Variants in NALF1 observed in about 807,000 individuals in gnomAD.
NALF1 encodes the protein NALCN channel auxiliary factor 1.
In NALF1, 3 loss-of-function variants were observed where a neutral mutation model predicts 48.4. The observed-to-expected ratio is 0.06, with a 90% CI of 0.03 to 0.16. The LOEUF (loss-of-function observed/expected upper bound fraction) is 0.16. Ranked by LOEUF, NALF1 falls within the 10% of genes least tolerant of loss-of-function variation. The pLI is 1.00. For missense variants in NALF1, 526 were observed against 571.5 expected, an observed-to-expected ratio of 0.92 and a Z score of 0.81; for synonymous variants, 262 against 245.7, an observed-to-expected ratio of 1.07 and a Z score of -0.62.
intron 1 of NALF1, among the ~76,000 whole-genome samples, chr13:107,483,178 G>A (rs1885279723): frequency 6.6e-6 from 1 of 152,166 alleles, no homozygotes; most frequent in African/African-American, 2.4e-5. Flanking sequence ...CTATCCATAA[G>A]CTAAATGAAC....
At chr13:107,196,515 A>G (rs1440621992) in intron 2 of NALF1, among the ~76,000 whole-genome samples, 1 of 152,256 alleles carries the variant, frequency 6.6e-6, no homozygotes, top group East Asian at 1.9e-4. Flanking sequence ...CAGCCTTAAA[A>G]AAGGTAGAGA....
rs1423693896 is a variant in NALF1, at chr13:107,541,482, G to C, written c.915+324200C>G. On this transcript the variant is annotated intron_variant, in intron 1 of 2. Transcript: ENST00000375915. ...TCTCTTTTGAGTTTAAAAAGAGAAA[G>C]AGAAGGAGAGAGGAAGAAAGGGAGG... 2.0e-5 allele frequency among the ~76,000 whole-genome samples: 3 copies of C among 152,136 alleles called. No homozygotes were observed. The South Asian group carries it at 6.2e-4, about 32-fold the overall frequency.
chr13:107,178,715 G>A (rs1458593895), intron 2 of NALF1, among the ~76,000 whole-genome samples: 3 of 152,112 alleles, frequency 2.0e-5, no homozygotes, highest in Admixed American at 6.5e-5. Context: ...AGGCCAAGGC[G>A]GGCGGATCAC....
At chr13:107,692,071 G>A (rs909726332) in intron 1 of NALF1, among the ~76,000 whole-genome samples, 3 of 152,060 alleles carry the variant, frequency 2.0e-5, no homozygotes, top group Non-Finnish European at 4.4e-5. Flanking sequence ...ATGAGAATAC[G>A]ACTCACCACA....
At chr13:107,335,433 G>A (rs752462036) in intron 1 of NALF1, among the ~76,000 whole-genome samples, 3 of 152,118 alleles carry the variant, frequency 2.0e-5, no homozygotes, top group Admixed American at 1.3e-4. Flanking sequence ...GTCTTCACAG[G>A]TGCCAGAGAA....
At chr13:107,467,126 A>T (rs1885016867) in intron 1 of NALF1, among the ~76,000 whole-genome samples, 1 of 152,170 alleles carries the variant, frequency 6.6e-6, no homozygotes, top group Non-Finnish European at 1.5e-5. Flanking sequence ...AATTCAACAT[A>T]TTCTTGAAAT....
intron 1 of NALF1, among the ~76,000 whole-genome samples, chr13:107,819,649 C>T (rs1879296321): frequency 6.6e-6 from 1 of 151,234 alleles, no homozygotes; most frequent in Non-Finnish European, 1.5e-5. Context: ...CCACTACATT[C>T]CCATAAGATG....
intron 2 of NALF1, among the ~76,000 whole-genome samples, chr13:107,203,693 A>T (rs1421748692): frequency 1.3e-5 from 2 of 152,010 alleles, no homozygotes; most frequent in African/African-American, 4.8e-5. Flanking sequence ...CTGGCTCAGG[A>T]CCCACCACTG....
intron 1 of NALF1, among the ~76,000 whole-genome samples, chr13:107,720,491 A>T (rs1252984599): frequency 2.3e-5 from 3 of 133,038 alleles, no homozygotes; most frequent in Non-Finnish European, 4.7e-5. Flanking sequence ...AGCCTGGGCA[A>T]CAGAGTGAGA....
chr13:107,856,144 C>T (rs746969323), intron 1 of NALF1, among the ~76,000 whole-genome samples: 2 of 152,140 alleles, frequency 1.3e-5, no homozygotes, highest in Non-Finnish European at 2.9e-5. Flanking sequence ...TGAACTCAAG[C>T]GATCCTCCTG....
chr13:107,270,113 C>T (rs890233415), intron 1 of NALF1, among the ~76,000 whole-genome samples: 9 of 151,750 alleles, frequency 5.9e-5, no homozygotes, highest in African/African-American at 2.2e-4. Context: ...GTGAATGATG[C>T]AGGATTATTT....
At chr13:107,581,241 T>C (rs763223821) in intron 1 of NALF1, among the ~76,000 whole-genome samples, 3 of 152,190 alleles carry the variant, frequency 2.0e-5, no homozygotes, top group Non-Finnish European at 2.9e-5. Flanking sequence ...CTTGGTATTA[T>C]GCAAATGTGA....
At chr13:107,549,605 T>C (rs1463547501) in intron 1 of NALF1, among the ~76,000 whole-genome samples, 1 of 152,198 alleles carries the variant, frequency 6.6e-6, no homozygotes, top group Admixed American at 6.5e-5. Flanking sequence ...ACTTTATTAT[T>C]CAGTGTGTAT....
chr13:107,340,489 T>TTCTCTCTTTCTTTCTTTC (rs1566489753), intron 1 of NALF1, among the ~76,000 whole-genome samples: 1,529 of 57,100 alleles, frequency 0.027, 28 homozygotes, highest in African/African-American at 0.044. Context: ...TTCTTTCTTT[T>TTCTCTCTTTCTTTCTTTC]TGTCTTTCTT....
intron 1 of NALF1, among the ~76,000 whole-genome samples, chr13:107,401,523 A>G (rs1172931369): frequency 6.6e-6 from 1 of 152,168 alleles, no homozygotes; most frequent in Non-Finnish European, 1.5e-5. Flanking sequence ...CACAACAAAT[A>G]CTGGAGATAA....
chr13:107,222,725 AC>A (rs1880019687), intron 1 of NALF1, among the ~76,000 whole-genome samples: 1 of 152,216 alleles, frequency 6.6e-6, no homozygotes, highest in African/African-American at 2.4e-5. Flanking sequence ...TATATAACTG[AC>A]TAGGCAAGAC....
chr13:107,166,677 T>G lies in NALF1; in HGVS notation c.*3820A>C, dbSNP rs1566438213. ...TCTGGCATCCAATTGCTTATTTCAT[T>G]TATGTTTTTTTCCCCCGGAAAAAAG... On this transcript the variant is annotated 3_prime_UTR_variant, in exon 3 of 3. Coordinates refer to ENST00000375915, the MANE Select transcript of NALF1 (RefSeq NM_001080396.3). The G allele has an allele frequency of 1.3e-5, 2 of 152,234 alleles. No individual in the cohort carries two copies. Among genetic ancestry groups the G allele is most frequent in the East Asian group, 1.9e-4 (1 of 5,164 alleles). The allele number at this position is 152,234 out of a possible 1,614,324, so 9.4% of individuals were successfully genotyped here.
At chr13:107,628,252 T>C (rs1282438294) in intron 1 of NALF1, among the ~76,000 whole-genome samples, 1 of 152,118 alleles carries the variant, frequency 6.6e-6, no homozygotes, top group African/African-American at 2.4e-5. Context: ...ATCTGGTCAT[T>C]CGGTGTTATA....
intron 1 of NALF1, among the ~76,000 whole-genome samples, chr13:107,396,823 G>A (rs1273388113): frequency 6.6e-6 from 1 of 152,182 alleles, no homozygotes; most frequent in African/African-American, 2.4e-5. Flanking sequence ...GAGCTCTGCG[G>A]ATTTTTTTGT....
Sources: gnomAD v4.1 joint callset for allele counts (sites outside exome capture counted in the v4.1 genomes callset) on GRCh38, gnomAD v4.1.1 for gene constraint, MANE v1.5 for transcripts, NCBI Gene and HGNC (gene_info 2026-07-23, HGNC 2026-07-21) for gene names.